RAD18: variants seen among roughly 807,000 people sequenced by gnomAD.
RAD18 encodes the protein RAD18 E3 ubiquitin protein ligase.
A neutral mutation model predicts 60.4 loss-of-function variants in RAD18; 47 were observed. That is an observed-to-expected ratio of 0.78 (90% confidence interval 0.62 to 0.99). The LOEUF is 0.99. Ranked by LOEUF, RAD18 falls within the 50% of genes least tolerant of loss-of-function variation. The pLI, the probability that RAD18 is intolerant of heterozygous loss-of-function variation, is 0.00. For synonymous variants in RAD18, 225 were observed against 195.5 expected, an observed-to-expected ratio of 1.15 and a Z score of -1.26; for missense variants, 640 against 593.3, an observed-to-expected ratio of 1.08 and a Z score of -0.82.
intron 1 of RAD18, among the ~76,000 whole-genome samples, chr3:8,960,712 C>A (rs1311590606): frequency 2.0e-5 from 3 of 152,164 alleles, no homozygotes; most frequent in Non-Finnish European, 4.4e-5. Context: ...CTACAGAGTT[C>A]CTAAGTTGGC....
intron 2 of RAD18, 57 bp from the exon 3 acceptor site, chr3:8,948,627 T>C: frequency 7.1e-7 from 1 of 1,410,234 alleles, no homozygotes; most frequent in Non-Finnish European, 9.9e-7. Flanking sequence ...AATACAGGAA[T>C]ATGACTTCTA....
At chr3:8,917,040 T>C (rs545271758) in intron 7 of RAD18, among the ~76,000 whole-genome samples, 3 of 152,240 alleles carry the variant, frequency 2.0e-5, no homozygotes, top group African/African-American at 7.2e-5. Context: ...ACAACATGCA[T>C]ATAGACACAA....
chr3:8,906,794 G>GTTTT (rs369984359), intron 9 of RAD18, among the ~76,000 whole-genome samples: 10 of 144,686 alleles, frequency 6.9e-5, no homozygotes, highest in Non-Finnish European at 1.1e-4. Flanking sequence ...GGGGGAAACA[G>GTTTT]TTTTTTTTTT....
chr3:8,952,008 T>C (rs1482333859), intron 2 of RAD18, among the ~76,000 whole-genome samples: 3 of 152,174 alleles, frequency 2.0e-5, no homozygotes, highest in Admixed American at 6.5e-5. Flanking sequence ...AGGGCTCCAC[T>C]GTCAGGACCT....
chr3:8,913,632 C>T lies in RAD18; in HGVS notation c.966+12G>A, dbSNP rs757919118. On this transcript the variant is annotated intron_variant, in intron 8 of 12. Coordinates refer to ENST00000264926, the MANE Select transcript of RAD18 (RefSeq NM_020165.4). ...ATTTCTATCCATATACTGAAATAGC[C>T]CATTAACATACACTTTCATTGAGTT... 1 of 1,501,774 alleles carries T rather than the reference C, an allele frequency of 6.7e-7. No homozygotes were observed. Among genetic ancestry groups the T allele is most frequent in the South Asian group, 1.3e-5 (1 of 78,032 alleles). The allele number at this position is 1,501,774 out of a possible 1,614,324, so 93.0% of individuals were successfully genotyped here.
At chr3:8,889,390 G>C (rs554390855) in intron 12 of RAD18, among the ~76,000 whole-genome samples, 1 of 152,168 alleles carries the variant, frequency 6.6e-6, no homozygotes, top group African/African-American at 2.4e-5. Flanking sequence ...GATCACACAT[G>C]TATTTACTAT....
At chr3:8,907,659 A>G (rs341782) in intron 9 of RAD18, among the ~76,000 whole-genome samples, 109,425 of 152,072 alleles carry the variant, frequency 0.72, 39,828 homozygotes, top group Middle Eastern at 0.77. Flanking sequence ...CAGAGACTAC[A>G]GACAGATGCA....
rs766224257 is a variant in RAD18 at position 8,899,010 on chromosome 3, A to G, written c.1206T>C (p.Phe402=). The part of the protein sequence containing the change: ...EDNMTSVTNH[F]SQSKLDSPEE... ...CTGGGGAGTCCAGCTTTGATTGAGA[A>G]AAGTGGTTTGTTACTGAGGTCATAT... Residue 402 remains phenylalanine, a synonymous_variant, in exon 11 of 13, where the codon TTT becomes TTC. Coordinates refer to ENST00000264926, the MANE Select transcript of RAD18 (RefSeq NM_020165.4). 8.1e-6 allele frequency: 13 copies of G among 1,608,756 alleles called. 1 individual carries two copies. In the South Asian group the frequency reaches 1.4e-4, roughly 18 times the overall value.
chr3:8,937,155 T>C (rs1337629535), intron 6 of RAD18, among the ~76,000 whole-genome samples: 2 of 152,210 alleles, frequency 1.3e-5, no homozygotes, highest in Non-Finnish European at 2.9e-5. Context: ...GATAAAATTA[T>C]GGCAAAATGA....
At chr3:8,901,635 G>A (rs750279858) in intron 10 of RAD18, among the ~76,000 whole-genome samples, 1 of 152,094 alleles carries the variant, frequency 6.6e-6, no homozygotes, top group Non-Finnish European at 1.5e-5. Flanking sequence ...TTATTACCAG[G>A]GCTATGAGGC....
chr3:8,887,308 A>C (rs1334590109), intron 12 of RAD18, among the ~76,000 whole-genome samples: 1 of 152,152 alleles, frequency 6.6e-6, no homozygotes, highest in Non-Finnish European at 1.5e-5. Context: ...GGAGAGTGAG[A>C]AGTTTAAAAT....
In RAD18 at chr3:8,958,956, T is replaced by G. The variant is rs1012913415; in HGVS notation, c.97A>C (p.Asn33His). Residue 33 changes from asparagine (N) to histidine (H), a missense_variant, in exon 2 of 13, where the codon AAC becomes CAC. By Grantham distance (68) the Asn-to-His change is moderately conservative. Transcript: ENST00000264926. ...LRCGICFEYFNIAMIIPQCSH... is the reference protein window; with the variant it reads ...LRCGICFEYFHIAMIIPQCSH... ...CACTGAGGTATTATCATTGCAATGT[T>G]GAAATACTCGAAGCAAATTCCACAC... The G allele has an allele frequency of 6.2e-7, 1 of 1,613,928 alleles. No homozygotes were observed. Among genetic ancestry groups the G allele is most frequent in the Non-Finnish European group, 8.5e-7 (1 of 1,179,832 alleles).
At chr3:8,958,510 C>T (rs1162727439) in intron 2 of RAD18, among the ~76,000 whole-genome samples, 6 of 152,154 alleles carry the variant, frequency 3.9e-5, no homozygotes, top group Non-Finnish European at 8.8e-5. Flanking sequence ...AGAATTCTCC[C>T]ACTGGGGCAA....
At position 8,881,162 on chromosome 3, in the gene RAD18, G is replaced by A. The variant is rs1356629163; in HGVS notation, c.*195C>T. 9.4e-6 allele frequency: 5 copies of A among 529,576 alleles called. No individual in the cohort carries two copies. The highest frequency in any genetic ancestry group is 5.9e-5 in the African/African-American group (3 of 51,214). 32.8% of individuals were successfully genotyped at this position (529,576 alleles called of 1,614,324 possible). ...TTAGAGAGAGATGTTTTAGAGGCAGGAGGCAACTGACCAAGTAAGGATATT... is the reference window on the plus strand; with the variant it reads ...TTAGAGAGAGATGTTTTAGAGGCAGAAGGCAACTGACCAAGTAAGGATATT... On this transcript the variant is annotated 3_prime_UTR_variant, in exon 13 of 13. Transcript: ENST00000264926.
chr3:8,917,352 A>G (rs1473257982), intron 7 of RAD18, among the ~76,000 whole-genome samples: 1 of 152,230 alleles, frequency 6.6e-6, no homozygotes, highest in African/African-American at 2.4e-5. Context: ...ACCTAAGAAG[A>G]AATGAAAACT....
intron 7 of RAD18, among the ~76,000 whole-genome samples, chr3:8,927,246 G>A (rs531974199): frequency 1.3e-3 from 193 of 152,274 alleles, no homozygotes; most frequent in Non-Finnish European, 2.3e-3. Context: ...AAAAGTGGGT[G>A]AAGGATACGA....
In RAD18 at chr3:8,888,469, T is replaced by A. The variant is rs557846653; in HGVS notation, c.1385+1920A>T. Among the ~76,000 whole-genome samples, 5 of 152,348 alleles carry A rather than the reference T, an allele frequency of 3.3e-5. No individual in the cohort carries two copies. The South Asian group carries it at 6.2e-4, about 19-fold the overall frequency. On this transcript the variant is annotated intron_variant, in intron 12 of 12. Coordinates refer to ENST00000264926, the MANE Select transcript of RAD18 (RefSeq NM_020165.4). The stretch of plus-strand genomic sequence containing the variant: ...GATATGGTATGTTCTAAGACTAACA[T>A]CTCAAATATGCCACTTGTGGTACTA...
chr3:8,885,489 A>G (rs1939543843), intron 12 of RAD18, among the ~76,000 whole-genome samples: 1 of 152,218 alleles, frequency 6.6e-6, no homozygotes. Context: ...TGAGATAGAG[A>G]CAAAGAGTTA....
chr3:8,938,344 A>G (rs904580854), intron 6 of RAD18, among the ~76,000 whole-genome samples: 3 of 152,186 alleles, frequency 2.0e-5, no homozygotes, highest in African/African-American at 7.2e-5. Flanking sequence ...CAGAATCTGC[A>G]TTCACTCCAA....
Sources: allele counts gnomAD v4.1 joint callset (sites outside exome capture counted in the v4.1 genomes callset), GRCh38; gene constraint gnomAD v4.1.1; transcripts MANE v1.5; gene names NCBI Gene and HGNC (gene_info 2026-07-23, HGNC 2026-07-21).